The following PLAGL1 variants were observed in gnomAD, a reference collection of about 807,000 sequenced individuals.
PLAGL1 encodes zinc finger protein PLAGL1.
PLAGL1 carries 1 observed loss-of-function variant against 4.6 expected under a neutral mutation model. The ratio of observed to expected loss-of-function variants is 0.22; its 90% CI spans 0.08 to 1.03. The LOEUF (loss-of-function observed/expected upper bound fraction) is 1.03, where lower values mean the gene tolerates loss of function less well. PLAGL1 is among the 50% of genes least tolerant of loss of function. The pLI is 0.58. For synonymous variants in PLAGL1, 240 were observed against 237.8 expected (o/e 1.01, Z -0.08); for missense variants, 464 against 570.4 (o/e 0.81, Z 1.90).
intron 7 of PLAGL1, among the ~76,000 whole-genome samples, chr6:143,946,465 C>T (rs114400993): frequency 1.5e-3 from 226 of 152,336 alleles, no homozygotes; most frequent in African/African-American, 5.0e-3. Flanking sequence ...AACTCATGCA[C>T]GTGATCAGCA....
intron 1 of PLAGL1, among the ~76,000 whole-genome samples, chr6:144,043,198 C>G (rs1262611346): frequency 6.6e-6 from 1 of 152,224 alleles, no homozygotes; most frequent in Non-Finnish European, 1.5e-5. Flanking sequence ...CTGGCCAGAA[C>G]TTCCAACACT....
In PLAGL1 at chr6:143,994,910, C is replaced by T. The variant is rs184954207; in HGVS notation, c.-583-9736G>A. On this transcript the variant is annotated intron_variant, in intron 1 of 7. Coordinates refer to ENST00000674357, the MANE Select transcript of PLAGL1 (RefSeq NM_001317162.2). The surrounding 1 kb of genome is among the most constrained non-coding windows in gnomAD (Gnocchi z 4.3). ...ATTAATTTCAGATTTTCTGAACTCA[C>T]GGAGGTAATTGGACTATGTCACATC... 1.3e-5 allele frequency among the ~76,000 whole-genome samples: 2 copies of T among 152,206 alleles called. No individual in the cohort carries two copies. The highest frequency in any genetic ancestry group is 1.3e-4 in the Admixed American group (2 of 15,300).
chr6:144,025,056 G>C (rs150029151), intron 1 of PLAGL1, among the ~76,000 whole-genome samples: 1 of 152,056 alleles, frequency 6.6e-6, no homozygotes, highest in Non-Finnish European at 1.5e-5. Flanking sequence ...AGGGGGGAGG[G>C]GTGACTTTGC....
intron 1 of PLAGL1, among the ~76,000 whole-genome samples, chr6:144,001,223 A>C (rs1792802845): frequency 6.6e-6 from 1 of 151,990 alleles, no homozygotes; most frequent in Non-Finnish European, 1.5e-5. Flanking sequence ...AAAAGGACAA[A>C]AGTACCAACC....
At chr6:143,977,905 A>G (rs1583368586) in intron 2 of PLAGL1, among the ~76,000 whole-genome samples, 2 of 152,064 alleles carry the variant, frequency 1.3e-5, no homozygotes, top group Admixed American at 1.3e-4. Context: ...AGCTGTTTTA[A>G]GTTTATATGT....
Position 143,990,792 on chromosome 6 carries a change from T to C in PLAGL1, c.-583-5618A>G, listed in dbSNP as rs865912355. Reference sequence around the variant, plus strand: ...TCATCTTCCCGGGACCCAACCCCTCTTTCCTCCCTTGTGTCATGCCGCTGC... The same window carrying C: ...TCATCTTCCCGGGACCCAACCCCTCCTTCCTCCCTTGTGTCATGCCGCTGC... On this transcript the variant is annotated intron_variant, in intron 1 of 7. Coordinates refer to ENST00000674357, the MANE Select transcript of PLAGL1 (RefSeq NM_001317162.2). The surrounding 1 kb of genome is among the most constrained non-coding windows in gnomAD (Gnocchi z 5.4). Among the ~76,000 whole-genome samples, 1 of 152,328 alleles carries C rather than the reference T, an allele frequency of 6.6e-6. No homozygotes were observed. Among genetic ancestry groups the C allele is most frequent in the South Asian group, 2.1e-4 (1 of 4,824 alleles).
At position 143,941,882 on chromosome 6, in the gene PLAGL1, G is replaced by A. The variant is rs774617149; in HGVS notation, c.934C>T (p.Pro312Ser). 1.2e-6 allele frequency: 2 copies of A among 1,614,038 alleles called. No individual in the cohort carries two copies. The highest frequency in any genetic ancestry group is 8.5e-7 in the Non-Finnish European group (1 of 1,180,004). The change falls in exon 8 of 8, where the codon CCA (proline) becomes TCA (serine). Residue 312 changes from proline (P) to serine (S), a missense_variant. Physicochemically the swap from Pro to Ser is moderately conservative, Grantham distance 74 (BLOSUM62 -1). This residue lies in a region of PLAGL1 where 248 missense variants were observed against 250.1 expected (regional missense o/e 0.99). Coordinates refer to ENST00000674357, the MANE Select transcript of PLAGL1 (RefSeq NM_001317162.2). This position sits in a 1 kb window ranked among gnomAD's most constrained non-coding sequence, Gnocchi z 6.0. ...KYNTTSTSYSPLASLPLKADT... is the reference protein window; with the variant it reads ...KYNTTSTSYSSLASLPLKADT... Reference sequence around the variant, plus strand: ...GCTTTGAGGGGCAGGCTTGCAAGTGGGGAGTATGAGGTAGAAGTGGTGTTG... The same window carrying A: ...GCTTTGAGGGGCAGGCTTGCAAGTGAGGAGTATGAGGTAGAAGTGGTGTTG...
upstream of PLAGL1, chr6:144,008,278 C>T (rs1461986003): frequency 2.6e-5 from 4 of 151,936 alleles, no homozygotes; most frequent in African/African-American, 9.7e-5. The surrounding 1 kb of genome is among the most constrained non-coding windows in gnomAD (Gnocchi z 6.9). Context: ...ACGCCCCAGC[C>T]GTGTCTAAAT....
intron 1 of PLAGL1, among the ~76,000 whole-genome samples, chr6:143,993,679 GATTA>G (rs1359350234): frequency 6.6e-6 from 1 of 152,158 alleles, no homozygotes; most frequent in Non-Finnish European, 1.5e-5. Context: ...GAATAGATCA[GATTA>G]AAAGTAAAGC....
At chr6:144,024,431 T>C (rs937914287) in intron 1 of PLAGL1, among the ~76,000 whole-genome samples, 3 of 152,138 alleles carry the variant, frequency 2.0e-5, no homozygotes, top group Non-Finnish European at 4.4e-5. Context: ...GGGGGCAGTT[T>C]CCCCCATACT....
chr6:143,967,642 G>C (rs1583276350), intron 3 of PLAGL1: 1 of 152,154 alleles, frequency 6.6e-6, no homozygotes, highest in African/African-American at 2.4e-5. Flanking sequence ...AGTCCTACAG[G>C]TGCCATAAAG....
Position 143,985,624 on chromosome 6 carries a change from T to TCTA in PLAGL1, c.-583-453_-583-451dup, listed in dbSNP as rs571187257. 8.8e-3 allele frequency among the ~76,000 whole-genome samples: 1,336 copies of TCTA among 151,900 alleles called. 7 individuals are homozygous for TCTA. Among genetic ancestry groups the TCTA allele is most frequent in the Non-Finnish European group, 0.014 (944 of 67,922 alleles). ...TTCATTCCTTGTCCATAGTTCTATG[T>TCTA]CTACTACTACTACTACTACTTCCTA... is the stretch of plus-strand genomic sequence containing the variant. On this transcript the variant is annotated intron_variant, in intron 1 of 7. Coordinates refer to ENST00000674357, the MANE Select transcript of PLAGL1 (RefSeq NM_001317162.2). This position sits in a 1 kb window ranked among gnomAD's most constrained non-coding sequence, Gnocchi z 4.4.
chr6:144,054,176 G>A (rs530133389), intron 1 of PLAGL1, among the ~76,000 whole-genome samples: 40 of 152,210 alleles, frequency 2.6e-4, no homozygotes, highest in African/African-American at 9.2e-4. Context: ...AGTATATAAA[G>A]TAAAAACTGA....
Position 144,006,857 on chromosome 6 carries a change from GTGTA to G in PLAGL1, c.-584+1229_-584+1232del, listed in dbSNP as rs988568645. 5 of 152,242 alleles carry G rather than the reference GTGTA, an allele frequency of 3.3e-5. No individual in the cohort carries two copies. The highest frequency in any genetic ancestry group is 2.6e-4 in the Admixed American group (4 of 15,302). 9.4% of individuals were successfully genotyped at this position (152,242 alleles called of 1,614,324 possible). ...ACGTTTTACATCATGACACACATTTGTGTATGTATGAAACTGAGGAGGGGGAGAG... is the reference window on the plus strand; with the variant it reads ...ACGTTTTACATCATGACACACATTTGTGTATGAAACTGAGGAGGGGGAGAG... On this transcript the variant is annotated intron_variant, in intron 1 of 7. Coordinates refer to ENST00000674357, the MANE Select transcript of PLAGL1 (RefSeq NM_001317162.2). This position sits in a 1 kb window ranked among gnomAD's most constrained non-coding sequence, Gnocchi z 4.3.
Position 144,055,772 on chromosome 6 carries a change from T to C in PLAGL1, c.-151+8696A>G, listed in dbSNP as rs555814126. 5.0e-3 allele frequency among the ~76,000 whole-genome samples: 757 copies of C among 152,306 alleles called. 2 individuals carry two copies. Among genetic ancestry groups the C allele is most frequent in the Non-Finnish European group, 8.8e-3 (601 of 68,024 alleles). On this transcript the variant is annotated intron_variant, in intron 1 of 3. Transcript: ENST00000437412. This position sits in a 1 kb window ranked among gnomAD's most constrained non-coding sequence, Gnocchi z 5.0. ...TAGGAAAGTGAAAGCTACATTTACATTATTAACGATAACAAGTCCTGGAAG... is the reference window on the plus strand; with the variant it reads ...TAGGAAAGTGAAAGCTACATTTACACTATTAACGATAACAAGTCCTGGAAG...
At chr6:143,969,564 T>C (rs1464705862) in intron 2 of PLAGL1, among the ~76,000 whole-genome samples, 1 of 151,436 alleles carries the variant, frequency 6.6e-6, no homozygotes, top group Admixed American at 6.6e-5. Context: ...GCAAGAGGAA[T>C]GCTTGAGGGC....
At chr6:143,986,814 G>A (rs527835581) in intron 1 of PLAGL1, among the ~76,000 whole-genome samples, 2 of 152,274 alleles carry the variant, frequency 1.3e-5, no homozygotes, top group Non-Finnish European at 2.9e-5. Flanking sequence ...CCATTGATAT[G>A]CTGCCCCAAA....
intron 1 of PLAGL1, among the ~76,000 whole-genome samples, chr6:144,023,140 T>A (rs9496841): frequency 6.6e-6 from 1 of 152,206 alleles, no homozygotes; most frequent in Admixed American, 6.5e-5. Flanking sequence ...TTGAAAAGAC[T>A]ACATACTGTA....
Position 143,949,403 on chromosome 6 carries a change from G to A in PLAGL1, c.-324-943C>T, listed in dbSNP as rs1311849592. Among the ~76,000 whole-genome samples the A allele has an allele frequency of 1.3e-5, 2 of 152,176 alleles. No homozygotes were observed. The highest frequency in any genetic ancestry group is 2.9e-5 in the Non-Finnish European group (2 of 68,020). ...CATGAACAATACTCCACTTACTAGG[G>A]TGGCTTTCCACCCAAGCTGAGAAAC... On this transcript the variant is annotated intron_variant, in intron 6 of 7. Transcript: ENST00000674357. This position sits in a 1 kb window ranked among gnomAD's most constrained non-coding sequence, Gnocchi z 5.3.
Sources: gnomAD v4.1 joint callset for allele counts (sites outside exome capture counted in the v4.1 genomes callset) on GRCh38, gnomAD v4.1.1 for gene constraint, gnomAD v4.1.1 regional missense constraint, Gnocchi (gnomAD v3.1) non-coding constraint, MANE v1.5 for transcripts, NCBI Gene and HGNC (gene_info 2026-07-23, HGNC 2026-07-21) for gene names.